The following CACNA2D3 variants were observed in gnomAD, a reference collection of about 807,000 sequenced individuals.
CACNA2D3 encodes the protein voltage-dependent calcium channel subunit alpha-2/delta-3.
A neutral mutation model predicts 160.6 loss-of-function variants in CACNA2D3; 60 were observed. That is an observed-to-expected ratio of 0.37 (90% CI 0.30 to 0.46). The LOEUF (loss-of-function observed/expected upper bound fraction) is 0.46. CACNA2D3 is among the 20% of genes least tolerant of loss of function. CACNA2D3 has a pLI of 1.00. For synonymous variants in CACNA2D3, 558 were observed against 492.9 expected (o/e 1.13, Z -1.75); for missense variants, 1,205 against 1,365.0 (o/e 0.88, Z 1.85).
intron 34 of CACNA2D3, among the ~76,000 whole-genome samples, chr3:55,012,813 G>C (rs1190539973): frequency 2.0e-5 from 3 of 152,064 alleles, no homozygotes; most frequent in Admixed American, 2.0e-4. Context: ...CTAGACCAAG[G>C]GGTGCAGAGT....
intron 4 of CACNA2D3, among the ~76,000 whole-genome samples, chr3:54,462,169 C>G (rs922032056): frequency 6.6e-6 from 1 of 152,088 alleles, no homozygotes; most frequent in Non-Finnish European, 1.5e-5. Flanking sequence ...TGTTCTTTTA[C>G]ATTTGCTGAG....
At chr3:54,464,681 C>T (rs1700579995) in intron 4 of CACNA2D3, among the ~76,000 whole-genome samples, 1 of 152,220 alleles carries the variant, frequency 6.6e-6, no homozygotes, top group Non-Finnish European at 1.5e-5. Flanking sequence ...GTCTGTCACC[C>T]CTTTCTTTGA....
intron 27 of CACNA2D3, among the ~76,000 whole-genome samples, chr3:54,948,640 T>G (rs1261198404): frequency 1.3e-5 from 2 of 152,214 alleles, no homozygotes; most frequent in Non-Finnish European, 2.9e-5. Context: ...CTAGGTTTCA[T>G]GAGAGACACT....
chr3:54,996,462 C>T (rs1702861738), intron 31 of CACNA2D3, among the ~76,000 whole-genome samples: 1 of 152,180 alleles, frequency 6.6e-6, no homozygotes, highest in South Asian at 2.1e-4. Context: ...ATCACTTGCC[C>T]CAGGAGCAAA....
chr3:54,200,371 T>C (rs1421183839), intron 2 of CACNA2D3, among the ~76,000 whole-genome samples: 2 of 152,210 alleles, frequency 1.3e-5, no homozygotes, highest in Admixed American at 6.5e-5. Flanking sequence ...CAGAAATAAT[T>C]TGTGGTTTTC....
chr3:54,916,441 T>A (rs2106917556), intron 27 of CACNA2D3, among the ~76,000 whole-genome samples: 1 of 152,232 alleles, frequency 6.6e-6, no homozygotes, highest in East Asian at 1.9e-4. Flanking sequence ...AGCTGATGGG[T>A]CAGCAGGCTT....
chr3:54,698,611 A>G (rs1700708682), intron 11 of CACNA2D3, among the ~76,000 whole-genome samples: 1 of 152,152 alleles, frequency 6.6e-6, no homozygotes, highest in South Asian at 2.1e-4. Flanking sequence ...TTAAAACTCA[A>G]TCTCTGCCTC....
chr3:54,662,137 A>G (rs1382378613), intron 11 of CACNA2D3, among the ~76,000 whole-genome samples: 3 of 151,840 alleles, frequency 2.0e-5, no homozygotes, highest in African/African-American at 7.3e-5. Flanking sequence ...AGCACATAGT[A>G]GCTGCCTGAT....
chr3:55,064,284 G>C (rs1041384526), intron 35 of CACNA2D3, among the ~76,000 whole-genome samples: 1 of 152,196 alleles, frequency 6.6e-6, no homozygotes. Context: ...CTTAGTACCT[G>C]GATCAGGGTG....
intron 2 of CACNA2D3, chr3:54,177,826 T>C (rs1469015044): frequency 6.6e-6 from 1 of 152,174 alleles, no homozygotes; most frequent in African/African-American, 2.4e-5. Flanking sequence ...CTCAAGTGAA[T>C]GTTGCTGCCT....
At chr3:54,477,153 A>G (rs1283471443) in intron 4 of CACNA2D3, among the ~76,000 whole-genome samples, 1 of 152,176 alleles carries the variant, frequency 6.6e-6, no homozygotes, top group Non-Finnish European at 1.5e-5. Context: ...ATACCAACAG[A>G]TAATTCTCAT....
At chr3:54,177,609 G>A (rs961131381) in intron 2 of CACNA2D3, among the ~76,000 whole-genome samples, 5 of 152,262 alleles carry the variant, frequency 3.3e-5, no homozygotes, top group African/African-American at 1.2e-4. Flanking sequence ...TTTAGGAAAC[G>A]TCTTTACTTC....
rs1439147916 is a variant in CACNA2D3 at position 54,888,028 on chromosome 3, C to T, written c.2126C>T (p.Thr709Ile). 6.2e-7 allele frequency: 1 copy of T among 1,613,830 alleles called. No individual in the cohort carries two copies. The highest frequency in any genetic ancestry group is 8.5e-7 in the Non-Finnish European group (1 of 1,179,764). The stretch of plus-strand genomic sequence containing the variant: ...AGTGCCCCCATTGAAGCGTATTGGA[C>T]CAGCCTGGCCCTCAACAAATCTGAG... ...VVSAPIEAYWTSLALNKSENS... is the reference protein window; with the variant it reads ...VVSAPIEAYWISLALNKSENS... The change falls in exon 24 of 38, where the codon ACC (threonine) becomes ATC (isoleucine). Residue 709 changes from threonine (T) to isoleucine (I), a missense_variant. By Grantham distance (89) the Thr-to-Ile change is moderately conservative. This residue lies in a region of CACNA2D3 where 911 missense variants were observed against 1,002.2 expected (regional missense o/e 0.91). Transcript: ENST00000474759.
chr3:54,473,228 G>A (rs910898807), intron 4 of CACNA2D3, among the ~76,000 whole-genome samples: 5 of 151,986 alleles, frequency 3.3e-5, no homozygotes, highest in African/African-American at 7.2e-5. Flanking sequence ...AAATAATGCC[G>A]CACATCTAGA....
chr3:54,939,948 A>G (rs1463750972), intron 27 of CACNA2D3, among the ~76,000 whole-genome samples: 2 of 152,244 alleles, frequency 1.3e-5, no homozygotes, highest in African/African-American at 2.4e-5. Context: ...CTCCCTTTCC[A>G]TGATGGATTT....
intron 11 of CACNA2D3, among the ~76,000 whole-genome samples, chr3:54,720,091 AC>A (rs1163748547): frequency 6.6e-6 from 1 of 151,886 alleles, no homozygotes; most frequent in Non-Finnish European, 1.5e-5. Context: ...TCAAGAAGTA[AC>A]TTTTTGGCAT....
intron 35 of CACNA2D3, among the ~76,000 whole-genome samples, chr3:55,044,435 ATATT>A (rs906311221): frequency 6.6e-6 from 1 of 152,152 alleles, no homozygotes; most frequent in African/African-American, 2.4e-5. Flanking sequence ...TGATTTTTCT[ATATT>A]TATCTCGTTT....
At chr3:54,689,882 T>G (rs988120202) in intron 11 of CACNA2D3, among the ~76,000 whole-genome samples, 3 of 152,250 alleles carry the variant, frequency 2.0e-5, no homozygotes, top group Admixed American at 6.5e-5. Flanking sequence ...CTCATGTTTC[T>G]CCTCTGCTCA....
At chr3:55,064,903 G>GT (rs1704600914) in intron 35 of CACNA2D3, among the ~76,000 whole-genome samples, 2 of 152,122 alleles carry the variant, frequency 1.3e-5, no homozygotes, top group Admixed American at 6.5e-5. Context: ...GGGGATGGGG[G>GT]CAGGGGCAAG....
Sources: gnomAD v4.1 joint callset for allele counts (sites outside exome capture counted in the v4.1 genomes callset) on GRCh38, gnomAD v4.1.1 for gene constraint, gnomAD v4.1.1 regional missense constraint, MANE v1.5 for transcripts, NCBI Gene and HGNC (gene_info 2026-07-23, HGNC 2026-07-21) for gene names.